The following SMYD3 variants were observed in gnomAD, a reference collection of about 807,000 sequenced individuals.
SMYD3 encodes SET and MYND domain containing 3.
Under a neutral mutation model 57.7 loss-of-function variants are expected in SMYD3, and 36 were observed. That is an observed-to-expected ratio of 0.62 (90% confidence interval 0.48 to 0.82). The LOEUF (loss-of-function observed/expected upper bound fraction) is 0.82, where lower values mean the gene tolerates loss of function less well. Ranked by LOEUF, SMYD3 falls within the 40% of genes least tolerant of loss-of-function variation. The probability of loss-of-function intolerance (pLI) is 0.00; values close to 1 mark genes in which losing one functional copy is unlikely to be tolerated. For synonymous variants in SMYD3, 211 were observed against 195.0 expected (o/e 1.08, Z -0.68); for missense variants, 515 against 538.8 (o/e 0.96, Z 0.44).
chr1:246,219,930 C>T (rs1364895044), intron 5 of SMYD3, among the ~76,000 whole-genome samples: 4 of 152,166 alleles, frequency 2.6e-5, no homozygotes, highest in Non-Finnish European at 5.9e-5. Flanking sequence ...TGTACTCCAC[C>T]TCCCACCTTG....
At position 246,232,848 on chromosome 1, in the gene SMYD3, G is replaced by C. The variant is rs1427814301; in HGVS notation, c.531+94353C>G. Among the ~76,000 whole-genome samples, 2 of 135,874 alleles carry C rather than the reference G, an allele frequency of 1.5e-5. 1 individual carries two copies. The highest frequency in any genetic ancestry group is 6.9e-4 in the East Asian group (2 of 2,904). 89.1% of individuals were successfully genotyped at this position (135,874 alleles called of 152,430 possible). Reference sequence around the variant, plus strand: ...CTGTGATGAACATATACCACACAGGGGAGAAGCGCTCCTCAATTCACACTG... The same window carrying C: ...CTGTGATGAACATATACCACACAGGCGAGAAGCGCTCCTCAATTCACACTG... On this transcript the variant is annotated intron_variant, in intron 5 of 11. Coordinates refer to ENST00000490107, the MANE Select transcript of SMYD3 (RefSeq NM_001167740.2).
At chr1:246,026,427 T>C (rs2059575368) in intron 5 of SMYD3, among the ~76,000 whole-genome samples, 1 of 152,234 alleles carries the variant, frequency 6.6e-6, no homozygotes, top group Admixed American at 6.5e-5. Context: ...CTGTGCTTCA[T>C]GGATCTTGTG....
chr1:246,085,253 G>C (rs190410422), intron 5 of SMYD3, among the ~76,000 whole-genome samples: 26 of 152,156 alleles, frequency 1.7e-4, no homozygotes, highest in African/African-American at 6.3e-4. Context: ...CCCTAATGAG[G>C]AATTAATCCA....
chr1:246,089,888 T>A (rs2060791933), intron 5 of SMYD3, among the ~76,000 whole-genome samples: 1 of 24,790 alleles, frequency 4.0e-5, no homozygotes, highest in Non-Finnish European at 1.5e-4. Flanking sequence ...AGTTTGCTTT[T>A]TTTTTTTTTT....
intron 5 of SMYD3, among the ~76,000 whole-genome samples, chr1:246,027,004 GAA>G (rs1201870579): frequency 2.0e-4 from 30 of 152,348 alleles, no homozygotes; most frequent in African/African-American, 6.7e-4. Context: ...CAAATAATCA[GAA>G]AGTGAGACAG....
chr1:246,314,394 C>G (rs912336733), intron 5 of SMYD3, among the ~76,000 whole-genome samples: 2 of 152,152 alleles, frequency 1.3e-5, no homozygotes, highest in African/African-American at 4.8e-5. Flanking sequence ...AAAGCTCTGT[C>G]TCTTTTACTT....
intron 5 of SMYD3, among the ~76,000 whole-genome samples, chr1:246,285,649 TAATTA>T (rs1224815923): frequency 1.3e-5 from 2 of 152,120 alleles, no homozygotes; most frequent in African/African-American, 4.8e-5. Context: ...AGATGGGACT[TAATTA>T]AATTAAAGAG....
chr1:246,046,185 T>C (rs924825173), intron 5 of SMYD3, among the ~76,000 whole-genome samples: 17 of 152,170 alleles, frequency 1.1e-4, no homozygotes, highest in African/African-American at 4.1e-4. Context: ...CGTATGTTTA[T>C]TGCGGCACTA....
intron 5 of SMYD3, among the ~76,000 whole-genome samples, chr1:246,255,935 T>C (rs77305657): frequency 0.014 from 953 of 67,738 alleles, 9 homozygotes; most frequent in East Asian, 0.11. Flanking sequence ...ATAAGATAGA[T>C]AGATAGATAG....
rs75028160 is a variant in SMYD3 at position 245,760,318 on chromosome 1, G to A, written c.1185+3723C>T. On this transcript the variant is annotated intron_variant, in intron 11 of 11. Coordinates refer to ENST00000490107, the MANE Select transcript of SMYD3 (RefSeq NM_001167740.2). ...AGCATCCCGAGGGTGCCCGTCTGAA[G>A]ATGACATCAGTTTCAAAAGGCAAAG... Among the ~76,000 whole-genome samples, 454 of 152,278 alleles carry A rather than the reference G, an allele frequency of 3.0e-3. 3 individuals are homozygous for A. Among genetic ancestry groups the A allele is most frequent in the African/African-American group, 0.01 (429 of 41,552 alleles).
At chr1:246,444,184 G>T (rs2067515158) in intron 1 of SMYD3, among the ~76,000 whole-genome samples, 1 of 151,080 alleles carries the variant, frequency 6.6e-6, no homozygotes, top group Non-Finnish European at 1.5e-5. Flanking sequence ...TAGAGTGCAG[G>T]TGCTTGATCT....
At chr1:246,043,876 G>C (rs2059918623) in intron 5 of SMYD3, among the ~76,000 whole-genome samples, 1 of 152,162 alleles carries the variant, frequency 6.6e-6, no homozygotes, top group African/African-American at 2.4e-5. Context: ...CCTGGCTACA[G>C]AGAGTGGACT....
intron 5 of SMYD3, among the ~76,000 whole-genome samples, chr1:246,125,079 A>C (rs1256405097): frequency 0.17 from 18,509 of 107,950 alleles, 1,502 homozygotes; most frequent in Admixed American, 0.32. Context: ...CTCAAAAAAA[A>C]AAAAAAAAAC....
At chr1:245,913,374 A>C (rs1189237255) in intron 8 of SMYD3, among the ~76,000 whole-genome samples, 1 of 121,150 alleles carries the variant, frequency 8.3e-6, no homozygotes, top group Non-Finnish European at 1.8e-5. Context: ...GTGTGGGGGG[A>C]GGGGGGAGGG....
chr1:245,752,233 TGCCTGGAA>T (rs1188944156), intron 11 of SMYD3, among the ~76,000 whole-genome samples: 2 of 152,226 alleles, frequency 1.3e-5, no homozygotes, highest in Admixed American at 1.3e-4. Context: ...GCAGAATCAC[TGCCTGGAA>T]AGATCTTTGC....
intron 10 of SMYD3, among the ~76,000 whole-genome samples, chr1:245,815,017 T>C (rs1385705061): frequency 6.6e-6 from 1 of 152,128 alleles, no homozygotes. Context: ...ACAGACACCA[T>C]GAGGTGAGGT....
chr1:246,152,922 T>A (rs1572116643), intron 5 of SMYD3, among the ~76,000 whole-genome samples: 1 of 152,316 alleles, frequency 6.6e-6, no homozygotes, highest in Middle Eastern at 3.4e-3. Context: ...AAGCACTCAA[T>A]AAATGTTAGC....
At chr1:246,012,442 G>A (rs2059300577) in intron 5 of SMYD3, among the ~76,000 whole-genome samples, 1 of 152,138 alleles carries the variant, frequency 6.6e-6, no homozygotes. Context: ...GCAATTCTCT[G>A]GTTTAAACAA....
chr1:246,363,098 T>C (rs2066027824), intron 1 of SMYD3, among the ~76,000 whole-genome samples: 2 of 145,184 alleles, frequency 1.4e-5, no homozygotes, highest in Non-Finnish European at 3.0e-5. Flanking sequence ...GTGAGGAGCG[T>C]CTCTGCCTGG....
Sources: gnomAD v4.1 joint callset for allele counts (sites outside exome capture counted in the v4.1 genomes callset) on GRCh38, gnomAD v4.1.1 for gene constraint, MANE v1.5 for transcripts, NCBI Gene and HGNC (gene_info 2026-07-23, HGNC 2026-07-21) for gene names.